Variants in METTL6 observed in about 807,000 individuals in gnomAD.
METTL6 encodes methyltransferase 6, tRNA N3-cytidine, also known as tRNA N(3)-cytidine methyltransferase METTL6.
METTL6 carries 22 observed loss-of-function variants against 26.4 expected under a neutral mutation model. That is an observed-to-expected ratio of 0.83 (90% CI 0.59 to 1.19). The LOEUF is 1.19. Among genes scored for constraint, METTL6 ranks in the 50% most tolerant of loss-of-function variants. The pLI, the probability that METTL6 is intolerant of heterozygous loss-of-function variation, is 0.00. For synonymous variants in METTL6, 109 were observed against 116.2 expected (o/e 0.94, Z 0.40); for missense variants, 304 against 324.8 (o/e 0.94, Z 0.49).
Position 15,426,138 on chromosome 3 carries a change from A to C in METTL6, c.225+149T>G, listed in dbSNP as rs1036001978. 4.3e-6 allele frequency: 3 copies of C among 701,160 alleles called. No individual in the cohort carries two copies. The East Asian group carries it at 8.0e-5, about 19-fold the overall frequency. 43.4% of individuals were successfully genotyped at this position (701,160 alleles called of 1,614,324 possible). The stretch of plus-strand genomic sequence containing the variant: ...GTATTTTTAGTAAAGACGGGGTTTC[A>C]TCATGTTGGCCAGGATGGTCTCGAT... On this transcript the variant is annotated intron_variant, in intron 2 of 5. Coordinates refer to ENST00000383790, the MANE Select transcript of METTL6 (RefSeq NM_152396.4).
downstream of METTL6, among the ~76,000 whole-genome samples, chr3:15,408,562 CTTTT>C (rs57787117): frequency 2.6e-4 from 30 of 116,230 alleles, no homozygotes; most frequent in Non-Finnish European, 3.5e-4. Context: ...GCTCCTTGCT[CTTTT>C]TTTTTTTTTT....
chr3:15,398,660 C>A (rs1699557693), intron 6 of METTL6, among the ~76,000 whole-genome samples: 2 of 151,778 alleles, frequency 1.3e-5, no homozygotes, highest in South Asian at 2.1e-4. Flanking sequence ...CCAGCCTGGG[C>A]AACATGGTGA....
chr3:15,392,284 G>A (rs565723968), intron 6 of METTL6, among the ~76,000 whole-genome samples: 1,668 of 152,292 alleles, frequency 0.011, 11 homozygotes, highest in Non-Finnish European at 0.016. Flanking sequence ...TCTTTTGGCT[G>A]CATAAATGTC....
At chr3:15,390,767 T>TG (rs1290699890) in intron 6 of METTL6, among the ~76,000 whole-genome samples, 3 of 152,234 alleles carry the variant, frequency 2.0e-5, no homozygotes, top group Non-Finnish European at 2.9e-5. Context: ...TGGCAGCCCC[T>TG]GCCCTCTCAA....
chr3:15,426,451 T>C lies in METTL6; in HGVS notation c.61A>G (p.Lys21Glu). ...ACCAAAGTTTGGTCTCTTTTCAGTT[T>C]CTCCTCTTCTTCAGAGGTGAGAATC... ...ARILTSEEEE[K>E]LKRDQTLVSD... Residue 21 changes from lysine to glutamate, a missense_variant, in exon 2 of 6, where the codon AAA (lysine) becomes GAA (glutamate). Physicochemically the swap from Lys to Glu is moderately conservative, Grantham distance 56. Coordinates refer to ENST00000383790, the MANE Select transcript of METTL6 (RefSeq NM_152396.4). The C allele has an allele frequency of 1.2e-6, 2 of 1,614,222 alleles. No individual in the cohort carries two copies. Among genetic ancestry groups the C allele is most frequent in the South Asian group, 2.2e-5 (2 of 91,086 alleles).
intron 5 of METTL6, among the ~76,000 whole-genome samples, chr3:15,411,710 G>C (rs1337367026): frequency 6.6e-6 from 1 of 151,014 alleles, no homozygotes; most frequent in East Asian, 1.9e-4. Context: ...AAATACAAAA[G>C]CCCGAGTAAA....
At chr3:15,421,343 C>CAGT (rs1228377476) in intron 3 of METTL6, among the ~76,000 whole-genome samples, 1 of 152,174 alleles carries the variant, frequency 6.6e-6, no homozygotes, top group Non-Finnish European at 1.5e-5. Flanking sequence ...TCTATGTACA[C>CAGT]ACAGGACCTA....
chr3:15,415,631 T>C (rs1442787366), intron 4 of METTL6, 141 bp downstream of exon 4: 1 of 1,608,762 alleles, frequency 6.2e-7, no homozygotes, highest in Non-Finnish European at 8.5e-7. Context: ...AGAGGACCCC[T>C]TTCTATACAC....
intron 3 of METTL6, among the ~76,000 whole-genome samples, chr3:15,419,268 T>C (rs2061557062): frequency 6.6e-6 from 1 of 151,198 alleles, no homozygotes; most frequent in Admixed American, 6.6e-5. Flanking sequence ...ATCTAGAATA[T>C]ATCCTGAAAA....
downstream of METTL6, among the ~76,000 whole-genome samples, chr3:15,407,244 T>C (rs763267526): frequency 2.6e-5 from 4 of 152,082 alleles, no homozygotes; most frequent in Non-Finnish European, 5.9e-5. Flanking sequence ...GGTCTCCAAC[T>C]TTTGGCCTCA....
intron 4 of METTL6, 130 bp from the exon 5 acceptor site, chr3:15,414,292 C>A (rs1448299218): frequency 1.5e-5 from 22 of 1,452,110 alleles, no homozygotes; most frequent in Non-Finnish European, 2.0e-5. Flanking sequence ...TAATACGGAA[C>A]CAAAATGGCC....
chr3:15,402,535 A>C (rs1385988737), intron 6 of METTL6, among the ~76,000 whole-genome samples: 1 of 151,942 alleles, frequency 6.6e-6, no homozygotes, highest in Non-Finnish European at 1.5e-5. Flanking sequence ...GGAGTTTGAG[A>C]TTGGCCTGGC....
In METTL6 at chr3:15,425,149, A is replaced by C. The variant is rs2061689811; in HGVS notation, c.226-60T>G. 3 of 1,587,878 alleles carry C rather than the reference A, an allele frequency of 1.9e-6. No homozygotes were observed. In the African/African-American group the frequency reaches 4.1e-5, roughly 22 times the overall value. ...CATTTGCATAATGAAGAAATAAACCAAACTAAAAGGTCCAGAATATGAGAG... is the reference window on the plus strand; with the variant it reads ...CATTTGCATAATGAAGAAATAAACCCAACTAAAAGGTCCAGAATATGAGAG... On this transcript the variant is annotated intron_variant, in intron 2 of 5. Transcript: ENST00000383790.
chr3:15,411,507 G>T, intron 5 of METTL6, 70 bp from the exon 6 acceptor site: 2 of 1,422,168 alleles, frequency 1.4e-6, no homozygotes, highest in East Asian at 2.4e-5. Context: ...TCCTTGAGGA[G>T]GGATAGAGGG....
At chr3:15,417,326 G>A (rs970878577) in intron 3 of METTL6, among the ~76,000 whole-genome samples, 6 of 151,998 alleles carry the variant, frequency 3.9e-5, no homozygotes, top group South Asian at 4.1e-4. Context: ...GTGGTGACCC[G>A]CACCTGTAGT....
chr3:15,403,886 G>T (rs1160553746), intron 6 of METTL6, among the ~76,000 whole-genome samples: 2 of 152,088 alleles, frequency 1.3e-5, no homozygotes, highest in South Asian at 4.2e-4. Context: ...CCCCTTTTTA[G>T]ATCATAAAGG....
chr3:15,386,798 T>TC (rs1239666052), intron 6 of METTL6, among the ~76,000 whole-genome samples: 3 of 151,426 alleles, frequency 2.0e-5, no homozygotes, highest in Non-Finnish European at 2.9e-5. Flanking sequence ...TGTTTCCTTT[T>TC]CTTTTTTTTT....
chr3:15,426,463 C>T lies in METTL6; in HGVS notation c.49G>A (p.Glu17Lys), dbSNP rs1275917902. 6.2e-7 allele frequency: 1 copy of T among 1,614,066 alleles called. No individual in the cohort carries two copies. Among genetic ancestry groups the T allele is most frequent in the African/African-American group, 1.3e-5 (1 of 74,934 alleles). The change falls in exon 2 of 6, where the codon GAA becomes AAA. Residue 17 changes from glutamate (E) to lysine (K), a missense_variant. Transcript: ENST00000383790. ...KGLQARILTS[E>K]EEEKLKRDQT... is the part of the protein sequence containing the mutation. ...TCTCTTTTCAGTTTCTCCTCTTCTTCAGAGGTGAGAATCCTTGCCTGCAGC... is the reference window on the plus strand; with the variant it reads ...TCTCTTTTCAGTTTCTCCTCTTCTTTAGAGGTGAGAATCCTTGCCTGCAGC...
In METTL6 at chr3:15,409,807, G is replaced by A. The variant is rs2124957148; in HGVS notation, c.*1449C>T. ...CAAAAGTGGTATTTGTGGAACACTG[G>A]TTTTGAAGAAATACATAACTGAACT... is the stretch of plus-strand genomic sequence containing the variant. On this transcript the variant is annotated 3_prime_UTR_variant, in exon 6 of 6. Coordinates refer to ENST00000383790, the MANE Select transcript of METTL6 (RefSeq NM_152396.4). 6.6e-6 allele frequency among the ~76,000 whole-genome samples: 1 copy of A among 152,328 alleles called. No individual in the cohort carries two copies. Among genetic ancestry groups the A allele is most frequent in the East Asian group, 1.9e-4 (1 of 5,196 alleles).
Sources: allele counts gnomAD v4.1 joint callset (sites outside exome capture counted in the v4.1 genomes callset), GRCh38; gene constraint gnomAD v4.1.1; transcripts MANE v1.5; gene names NCBI Gene and HGNC (gene_info 2026-07-23, HGNC 2026-07-21).